The following PTPRD variants were observed in gnomAD, a reference collection of about 807,000 sequenced individuals.
PTPRD encodes protein tyrosine phosphatase receptor type D.
PTPRD carries 34 observed loss-of-function variants against 214.5 expected under a neutral mutation model. The ratio of observed to expected loss-of-function variants is 0.16; its 90% CI spans 0.12 to 0.21. The LOEUF is 0.21. PTPRD is among the 10% of genes least tolerant of loss of function. The pLI is 1.00. For missense variants in PTPRD, 2,545 were observed against 2,398.7 expected (o/e 1.06, Z -1.27); for synonymous variants, 1,128 against 845.7 (o/e 1.33, Z -5.79).
intron 12 of PTPRD, among the ~76,000 whole-genome samples, chr9:8,688,263 G>A: frequency 6.6e-6 from 1 of 152,090 alleles, no homozygotes; most frequent in East Asian, 1.9e-4. Context: ...TTATCCAGAT[G>A]TGGTTCAAAA....
At chr9:9,781,551 A>G (rs2821473) in intron 5 of PTPRD, among the ~76,000 whole-genome samples, 76,248 of 151,970 alleles carry the variant, frequency 0.5, 20,272 homozygotes, top group East Asian at 0.72. Flanking sequence ...TGGCTATTTG[A>G]AGACATGTGA....
chr9:9,869,337 T>C (rs183078044), intron 5 of PTPRD, among the ~76,000 whole-genome samples: 86 of 152,196 alleles, frequency 5.7e-4, no homozygotes, highest in African/African-American at 1.9e-3. Flanking sequence ...AATAAAACAA[T>C]GTGGTTAGAC....
chr9:10,597,380 T>G (rs966035411), intron 2 of PTPRD, among the ~76,000 whole-genome samples: 18 of 151,808 alleles, frequency 1.2e-4, no homozygotes, highest in African/African-American at 4.3e-4. Context: ...GAATATGCTT[T>G]GAGCACTGTC....
intron 11 of PTPRD, among the ~76,000 whole-genome samples, chr9:8,985,296 T>C (rs2099335373): frequency 6.6e-6 from 1 of 152,082 alleles, no homozygotes; most frequent in Non-Finnish European, 1.5e-5. Flanking sequence ...GATGATTGGA[T>C]GCTTTATTCA....
intron 2 of PTPRD, among the ~76,000 whole-genome samples, chr9:10,393,657 G>A (rs938912483): frequency 6.8e-6 from 1 of 147,442 alleles, no homozygotes; most frequent in Non-Finnish European, 1.5e-5. Flanking sequence ...ATTAGAGAGA[G>A]AGAGAGAGAG....
At chr9:9,216,998 G>C (rs987288193) in intron 9 of PTPRD, among the ~76,000 whole-genome samples, 7 of 151,866 alleles carry the variant, frequency 4.6e-5, no homozygotes, top group Non-Finnish European at 1.0e-4. Flanking sequence ...AAAGAGTAGA[G>C]GGCAAAAAAA....
rs3043782 is a variant in PTPRD at position 8,435,700 on chromosome 9, TACAC to T, written c.4086+888_4086+891del. Among the ~76,000 whole-genome samples, 193 of 148,800 alleles carry T rather than the reference TACAC, an allele frequency of 1.3e-3. 2 individuals are homozygous for T. Among genetic ancestry groups the T allele is most frequent in the Admixed American group, 1.8e-3 (27 of 14,918 alleles). ...ATTGATATATACCACAATATCCAAA[TACAC>T]ACACACACACACACACACACACACA... On this transcript the variant is annotated intron_variant, in intron 35 of 45. Transcript: ENST00000381196.
intron 7 of PTPRD, among the ~76,000 whole-genome samples, chr9:9,577,904 G>A (rs1381268601): frequency 6.6e-6 from 1 of 151,612 alleles, no homozygotes; most frequent in Non-Finnish European, 1.5e-5. Flanking sequence ...AAATTAGCTG[G>A]GTATGGTAGT....
At chr9:9,357,451 C>G (rs1340278449) in intron 9 of PTPRD, among the ~76,000 whole-genome samples, 1 of 151,098 alleles carries the variant, frequency 6.6e-6, no homozygotes, top group Non-Finnish European at 1.5e-5. Flanking sequence ...ATCATTAGGT[C>G]TGAAATGAGG....
At chr9:8,946,803 C>A (rs760036692) in intron 11 of PTPRD, among the ~76,000 whole-genome samples, 19 of 151,922 alleles carry the variant, frequency 1.3e-4, no homozygotes, top group Admixed American at 4.6e-4. Context: ...TTACTGTGAC[C>A]CTTTGTCCCT....
chr9:9,995,774 T>C (rs1204393304), intron 4 of PTPRD, among the ~76,000 whole-genome samples: 2 of 152,206 alleles, frequency 1.3e-5, no homozygotes, highest in African/African-American at 2.4e-5. Context: ...ATTGTTGCTA[T>C]TTATTTGATA....
At chr9:8,983,730 C>G (rs2099325774) in intron 11 of PTPRD, among the ~76,000 whole-genome samples, 1 of 151,842 alleles carries the variant, frequency 6.6e-6, no homozygotes, top group South Asian at 2.1e-4. Flanking sequence ...GTTGCCAAGG[C>G]TGAGCTCAAA....
At chr9:9,904,274 G>A (rs16930522) in intron 5 of PTPRD, among the ~76,000 whole-genome samples, 13,287 of 151,962 alleles carry the variant, frequency 0.087, 710 homozygotes, top group African/African-American at 0.13. Context: ...TCAGATGTTC[G>A]CTAAGATAGG....
chr9:8,566,757 C>T (rs1406081392), intron 14 of PTPRD, among the ~76,000 whole-genome samples: 1 of 152,308 alleles, frequency 6.6e-6, no homozygotes, highest in East Asian at 1.9e-4. Flanking sequence ...AGAAACTATA[C>T]ATTTTAAGAT....
In PTPRD at chr9:10,251,772, C is replaced by G. The variant is rs542955529; in HGVS notation, c.-545+89191G>C. Among the ~76,000 whole-genome samples, 73 of 152,178 alleles carry G rather than the reference C, an allele frequency of 4.8e-4. 1 individual carries two copies. Among genetic ancestry groups the G allele is most frequent in the African/African-American group, 1.7e-3 (69 of 41,532 alleles). ...ATCGCAATGTGACCTTGCAACTTCT[C>G]CATAATATGATCTCTTATTTGTGGA... is the stretch of plus-strand genomic sequence containing the variant. On this transcript the variant is annotated intron_variant, in intron 3 of 45. Coordinates refer to ENST00000381196, the MANE Select transcript of PTPRD (RefSeq NM_002839.4).
At position 8,764,485 on chromosome 9, in the gene PTPRD, T is replaced by C. The variant is rs567976329; in HGVS notation, c.-103-30539A>G. 3.3e-5 allele frequency among the ~76,000 whole-genome samples: 5 copies of C among 152,118 alleles called. No homozygotes were observed. The East Asian group carries it at 7.7e-4, about 24-fold the overall frequency. The stretch of plus-strand genomic sequence containing the variant: ...GATCTGACACTAAAAATACGGACCA[T>C]TATGGGACACTCTAAAGAATGGGTT... On this transcript the variant is annotated intron_variant, in intron 11 of 45. Transcript: ENST00000381196.
intron 8 of PTPRD, among the ~76,000 whole-genome samples, chr9:9,493,944 G>C (rs983939903): frequency 1.3e-5 from 2 of 151,928 alleles, no homozygotes; most frequent in Non-Finnish European, 2.9e-5. Flanking sequence ...ATGCTATTAA[G>C]AACATTTGTA....
At chr9:10,256,815 A>G (rs16925612) in intron 3 of PTPRD, among the ~76,000 whole-genome samples, 10,548 of 152,150 alleles carry the variant, frequency 0.069, 440 homozygotes, top group South Asian at 0.12. Flanking sequence ...ATCTTTGCAC[A>G]TGGTGTTTCC....
chr9:9,763,284 G>GT (rs1343967150), intron 6 of PTPRD, among the ~76,000 whole-genome samples: 1 of 152,134 alleles, frequency 6.6e-6, no homozygotes, highest in Non-Finnish European at 1.5e-5. Context: ...AATGATGGGT[G>GT]TGTTTCTTTT....
Sources: gnomAD v4.1 joint callset for allele counts (sites outside exome capture counted in the v4.1 genomes callset) on GRCh38, gnomAD v4.1.1 for gene constraint, MANE v1.5 for transcripts, NCBI Gene and HGNC (gene_info 2026-07-23, HGNC 2026-07-21) for gene names.